The following SBF2 variants were observed in gnomAD, a reference collection of about 807,000 sequenced individuals.
SBF2 encodes the protein myotubularin-related protein 13.
SBF2 carries 112 observed loss-of-function variants against 225.2 expected under a neutral mutation model. The ratio of observed to expected loss-of-function variants is 0.50; its 90% CI spans 0.43 to 0.58. The LOEUF (loss-of-function observed/expected upper bound fraction) is 0.58. SBF2 is among the 20% of genes least tolerant of loss of function. The probability of loss-of-function intolerance (pLI) is 0.00; values close to 1 mark genes in which losing one functional copy is unlikely to be tolerated. For missense variants in SBF2, 1,996 were observed against 2,206.2 expected (o/e 0.90, Z 1.91); for synonymous variants, 763 against 773.3 (o/e 0.99, Z 0.22).
intron 32 of SBF2, among the ~76,000 whole-genome samples, chr11:9,800,686 C>T (rs756219970): frequency 3.1e-4 from 47 of 151,946 alleles, no homozygotes; most frequent in Non-Finnish European, 5.6e-4. Context: ...GGATTACAGG[C>T]GTGAGCCACC....
chr11:9,880,676 C>T (rs1564949671), intron 17 of SBF2, among the ~76,000 whole-genome samples: 1 of 152,208 alleles, frequency 6.6e-6, no homozygotes, highest in Non-Finnish European at 1.5e-5. Context: ...CTGCCCTACT[C>T]AAGAGTATGG....
At chr11:9,845,852 C>T (rs1019087990) in intron 23 of SBF2, 112 bp from the exon 24 acceptor site, 2 of 940,586 alleles carry the variant, frequency 2.1e-6, no homozygotes, top group African/African-American at 3.3e-5. Flanking sequence ...GTCAAAGGGA[C>T]TTTGGATAAC....
chr11:9,871,044 C>T (rs969546912), intron 17 of SBF2, among the ~76,000 whole-genome samples: 2 of 150,828 alleles, frequency 1.3e-5, no homozygotes, highest in African/African-American at 4.9e-5. Context: ...ATCAAAAACC[C>T]TAGGAGAAAA....
Position 10,021,561 on chromosome 11 carries a change from T to C in SBF2, c.619+6891A>G, listed in dbSNP as rs188939167. 3.8e-3 allele frequency among the ~76,000 whole-genome samples: 578 copies of C among 152,268 alleles called. 4 individuals carry two copies. The highest frequency in any genetic ancestry group is 5.4e-3 in the South Asian group (26 of 4,828). On this transcript the variant is annotated intron_variant, in intron 6 of 39. Transcript: ENST00000256190. ...CTTGGAATGGCAGAGTCCATATAAT[T>C]ATTTCAGAAAAACACAGAGACCTTT...
chr11:10,231,201 A>G (rs1412891054), intron 1 of SBF2, among the ~76,000 whole-genome samples: 2 of 152,128 alleles, frequency 1.3e-5, no homozygotes, highest in Non-Finnish European at 2.9e-5. Flanking sequence ...TATTCTAGTT[A>G]GCCATTCATC....
At position 10,161,269 on chromosome 11, in the gene SBF2, A is replaced by AC. The variant is rs200709553; in HGVS notation, c.141+32632dup. 7.3e-4 allele frequency among the ~76,000 whole-genome samples: 111 copies of AC among 151,772 alleles called. No individual in the cohort carries two copies. The East Asian group carries it at 0.019, about 26-fold the overall frequency. On this transcript the variant is annotated intron_variant, in intron 2 of 39. Transcript: ENST00000256190. Reference sequence around the variant, plus strand: ...TTCTGGCTGCCACAAACATGGACACACCCAAAGTTATGCATTCTTCCCACA... The same window carrying AC: ...TTCTGGCTGCCACAAACATGGACACACCCCAAAGTTATGCATTCTTCCCACA...
At position 10,227,475 on chromosome 11, in the gene SBF2, A is replaced by G. The variant is rs560248750; in HGVS notation, c.56-33488T>C. Among the ~76,000 whole-genome samples the G allele has an allele frequency of 6.2e-4, 95 of 152,206 alleles. 1 individual carries two copies. The East Asian group carries it at 0.013, about 21-fold the overall frequency. On this transcript the variant is annotated intron_variant, in intron 1 of 39. Coordinates refer to ENST00000256190, the MANE Select transcript of SBF2 (RefSeq NM_030962.4). ...TTTAGGTCTAACGTTTAAGTCTTTA[A>G]TCCATCTTGAATTAATTTTTGTATA...
intron 38 of SBF2, chr11:9,783,253 G>A (rs1852152254): frequency 6.6e-6 from 1 of 152,102 alleles, no homozygotes; most frequent in Non-Finnish European, 1.5e-5. Context: ...GCTTCCATTT[G>A]TATATTTGAA....
At chr11:9,896,453 A>C (rs1590363440) in intron 16 of SBF2, among the ~76,000 whole-genome samples, 1 of 152,146 alleles carries the variant, frequency 6.6e-6, no homozygotes, top group South Asian at 2.1e-4. Flanking sequence ...ATCATCTTAT[A>C]ATTGACTGGA....
Position 10,303,105 on chromosome 11 carries a change from G to C in SBF2, n.386+1387C>G, listed in dbSNP as rs376923080. The C allele has an allele frequency of 8.5e-5, 13 of 152,574 alleles. No individual in the cohort carries two copies. Among genetic ancestry groups the C allele is most frequent in the African/African-American group, 3.1e-4 (13 of 41,594 alleles). 9.5% of individuals were successfully genotyped at this position (152,574 alleles called of 1,614,324 possible). On this transcript the variant is annotated intron_variant and non_coding_transcript_variant, in intron 1 of 5. Coordinates refer to the SBF2 transcript ENST00000685217. The surrounding 1 kb of genome is among the most constrained non-coding windows in gnomAD (Gnocchi z 5.2). ...AAAGGAAATGGGAGACAAGGGAGAA[G>C]AACAATAGTTAGGCTGGGGAGGCTC...
intron 15 of SBF2, among the ~76,000 whole-genome samples, chr11:9,963,352 C>G (rs1335032741): frequency 2.0e-5 from 3 of 152,126 alleles, no homozygotes; most frequent in Non-Finnish European, 4.4e-5. Context: ...GTAGTCCCAG[C>G]TACTTGGGAG....
chr11:9,827,611 A>C (rs1265726707), intron 28 of SBF2, among the ~76,000 whole-genome samples: 1 of 152,178 alleles, frequency 6.6e-6, no homozygotes, highest in Non-Finnish European at 1.5e-5. Context: ...CCAGAGAACA[A>C]AGTGGATGAC....
intron 1 of SBF2, among the ~76,000 whole-genome samples, chr11:10,258,101 C>CACACAG (rs957777892): frequency 2.0e-5 from 3 of 147,188 alleles, no homozygotes; most frequent in African/African-American, 7.8e-5. Flanking sequence ...CACACACACA[C>CACACAG]ACACACACTT....
At chr11:10,046,879 CAA>C (rs34571490) in intron 2 of SBF2, among the ~76,000 whole-genome samples, 81 of 99,606 alleles carry the variant, frequency 8.1e-4, no homozygotes, top group African/African-American at 3.4e-3. Flanking sequence ...TCTGAAAGGA[CAA>C]AAAAAAAAAA....
At chr11:9,811,518 G>A (rs892198374) in intron 30 of SBF2, among the ~76,000 whole-genome samples, 2 of 152,136 alleles carry the variant, frequency 1.3e-5, no homozygotes, top group African/African-American at 2.4e-5. Flanking sequence ...GGAGGGGTCC[G>A]TTTGGAGCTG....
chr11:10,172,743 T>G (rs773456375), intron 2 of SBF2, among the ~76,000 whole-genome samples: 1 of 123,292 alleles, frequency 8.1e-6, no homozygotes. Context: ...CTTGGCTCAC[T>G]GTAACCTCTG....
chr11:9,889,089 T>C (rs1860580218), intron 17 of SBF2, among the ~76,000 whole-genome samples: 1 of 152,186 alleles, frequency 6.6e-6, no homozygotes, highest in African/African-American at 2.4e-5. Context: ...ACTTTACTCA[T>C]GTTAGGGAGT....
intron 6 of SBF2, among the ~76,000 whole-genome samples, chr11:10,018,445 T>C (rs1231253539): frequency 1.3e-5 from 2 of 152,202 alleles, no homozygotes; most frequent in Non-Finnish European, 2.9e-5. Context: ...CCATATTTTA[T>C]AAAAATATTA....
At chr11:10,133,485 C>T (rs796808920) in intron 2 of SBF2, among the ~76,000 whole-genome samples, 15,369 of 118,266 alleles carry the variant, frequency 0.13, 2,078 homozygotes, top group Non-Finnish European at 0.19. Flanking sequence ...AGAAATCGAA[C>T]GCAGTGCCGG....
Sources: allele counts gnomAD v4.1 joint callset (sites outside exome capture counted in the v4.1 genomes callset), GRCh38; gene constraint gnomAD v4.1.1; non-coding constraint Gnocchi (gnomAD v3.1); transcripts MANE v1.5; gene names NCBI Gene and HGNC (gene_info 2026-07-23, HGNC 2026-07-21).